The following CSMD1 variants were observed in gnomAD, a reference collection of about 807,000 sequenced individuals.
CSMD1 encodes the protein CUB and sushi domain-containing protein 1.
In CSMD1, 213 loss-of-function variants were observed where a neutral mutation model predicts 417.5. That is an observed-to-expected ratio of 0.51 (90% CI 0.46 to 0.57). The LOEUF (loss-of-function observed/expected upper bound fraction) is 0.57. Ranked by LOEUF, CSMD1 falls within the 20% of genes least tolerant of loss-of-function variation. The pLI is 0.00. For missense variants in CSMD1, 6,923 were observed against 4,529.7 expected, an observed-to-expected ratio of 1.53 and a Z score of -15.17; for synonymous variants, 2,862 against 1,736.8, an observed-to-expected ratio of 1.65 and a Z score of -16.11.
At chr8:4,955,798 CT>C (rs879650824) in intron 1 of CSMD1, among the ~76,000 whole-genome samples, 70,610 of 151,730 alleles carry the variant, frequency 0.47, 17,369 homozygotes, top group East Asian at 0.78. Flanking sequence ...GTAACAGTAC[CT>C]TCAAATTGGC....
chr8:3,308,056 GATAATTCTAATAATAT>G (rs1222975272), intron 24 of CSMD1, among the ~76,000 whole-genome samples: 9 of 30,310 alleles, frequency 3.0e-4, no homozygotes, highest in Admixed American at 1.4e-3. Context: ...ACACTCATGT[GATAATTCTAATAATAT>G]GTGATAATTC....
chr8:4,632,046 T>C (rs1447184601), intron 2 of CSMD1, among the ~76,000 whole-genome samples: 1 of 152,224 alleles, frequency 6.6e-6, no homozygotes, highest in Admixed American at 6.5e-5. Context: ...GTTTCTGATT[T>C]GGGACAAGTA....
At chr8:3,367,803 T>C (rs1219313356) in intron 19 of CSMD1, among the ~76,000 whole-genome samples, 1 of 152,210 alleles carries the variant, frequency 6.6e-6, no homozygotes, top group Non-Finnish European at 1.5e-5. Flanking sequence ...CATAGATATG[T>C]ATATTTAAGA....
intron 3 of CSMD1, among the ~76,000 whole-genome samples, chr8:4,328,577 A>T (rs1799689693): frequency 6.6e-6 from 1 of 152,134 alleles, no homozygotes; most frequent in Non-Finnish European, 1.5e-5. Flanking sequence ...ATTTAAAAAA[A>T]TGAAAAAAAA....
chr8:4,285,894 A>T (rs974206498), intron 3 of CSMD1, among the ~76,000 whole-genome samples: 3 of 152,190 alleles, frequency 2.0e-5, no homozygotes, highest in Non-Finnish European at 2.9e-5. Context: ...AAGTAATCCA[A>T]CTGAAGTATT....
rs762380961 is a variant in CSMD1, at chr8:3,997,974, G to C, written c.747C>G (p.Val249=). The C allele has an allele frequency of 3.7e-6, 6 of 1,611,376 alleles. No individual in the cohort carries two copies. The highest frequency in any genetic ancestry group is 1.1e-5 in the South Asian group (1 of 90,322). The change falls in exon 5 of 70, where the codon GTC becomes GTG. Residue 249 remains valine (V), a synonymous_variant. Coordinates refer to ENST00000635120, the MANE Select transcript of CSMD1 (RefSeq NM_033225.6). ...CTTCTTCTAGCTGAAAGTCAGTGAAGACCAGCGCAATGGTGTCCCCGGGCT... is the reference window on the plus strand; with the variant it reads ...CTTCTTCTAGCTGAAAGTCAGTGAACACCAGCGCAATGGTGTCCCCGGGCT... The part of the protein sequence containing the change: ...LAEPGDTIAL[V]FTDFQLEEGY...
chr8:3,551,698 C>G (rs930207946), intron 10 of CSMD1, among the ~76,000 whole-genome samples: 2 of 149,406 alleles, frequency 1.3e-5, no homozygotes, highest in Non-Finnish European at 3.0e-5. Flanking sequence ...AAAGACATGA[C>G]TGATGATGAG....
At chr8:4,174,922 T>C (rs1231310989) in intron 3 of CSMD1, among the ~76,000 whole-genome samples, 2 of 151,104 alleles carry the variant, frequency 1.3e-5, no homozygotes, top group Admixed American at 1.3e-4. Flanking sequence ...GCAGAACTGA[T>C]GTCAACTCCT....
intron 1 of CSMD1, among the ~76,000 whole-genome samples, chr8:4,917,802 G>C (rs1161509927): frequency 1.3e-5 from 2 of 152,152 alleles, no homozygotes; most frequent in Admixed American, 6.5e-5. Flanking sequence ...AGTGTTGCAA[G>C]ATAGGAACAG....
At position 2,935,954 on chromosome 8, in the gene CSMD1, C is replaced by T. The variant is rs573907592; in HGVS notation, c.*2631G>A. On this transcript the variant is annotated 3_prime_UTR_variant, in exon 70 of 70. Transcript: ENST00000635120. ...TGTTAGTGTGTGGTCGCGTCCCTCA[C>T]GCGTGTTCCCGTTGCCTTCAGGGAA... 30 of 152,358 alleles carry T rather than the reference C, an allele frequency of 2.0e-4. No individual in the cohort carries two copies. Among genetic ancestry groups the T allele is most frequent in the South Asian group, 1.0e-3 (5 of 4,828 alleles). The allele number at this position is 152,358 out of a possible 1,614,324, so 9.4% of individuals were successfully genotyped here. A position where few individuals can be genotyped will look rare whatever the true frequency, so the allele number is the denominator to read the frequency against.
intron 50 of CSMD1, among the ~76,000 whole-genome samples, chr8:3,045,926 G>T (rs955839521): frequency 5.9e-5 from 9 of 152,104 alleles, no homozygotes; most frequent in African/African-American, 2.2e-4. Flanking sequence ...AAGACAGTAG[G>T]GGGTATAGGG....
Position 4,295,354 on chromosome 8 carries a change from C to T in CSMD1, c.415+124599G>A, listed in dbSNP as rs116952558. ...TAATCTTAAGATTATGCACATATAA[C>T]CTTAAGATTATATATGTATCTTATT... On this transcript the variant is annotated intron_variant, in intron 3 of 69. Transcript: ENST00000635120. 3.7e-3 allele frequency among the ~76,000 whole-genome samples: 455 copies of T among 122,618 alleles called. 5 individuals carry two copies. Among genetic ancestry groups the T allele is most frequent in the Middle Eastern group, 0.013 (1 of 80 alleles). 80.4% of individuals were successfully genotyped at this position (122,618 alleles called of 152,430 possible).
intron 3 of CSMD1, among the ~76,000 whole-genome samples, chr8:4,200,957 C>A (rs543554804): frequency 6.6e-6 from 1 of 152,208 alleles, no homozygotes; most frequent in Admixed American, 6.5e-5. Context: ...AACTAAATGT[C>A]AGAAAGTTGT....
chr8:3,030,988 G>A (rs1810305863), intron 50 of CSMD1, among the ~76,000 whole-genome samples: 1 of 151,702 alleles, frequency 6.6e-6, no homozygotes, highest in African/African-American at 2.4e-5. Flanking sequence ...GTAATCCTTA[G>A]GTTTCTTTCT....
chr8:4,458,994 G>A (rs550950985), intron 2 of CSMD1, among the ~76,000 whole-genome samples: 5 of 152,152 alleles, frequency 3.3e-5, no homozygotes, highest in Admixed American at 6.5e-5. Context: ...GAGGATTCAC[G>A]TTTGTGCAGC....
At chr8:3,914,628 T>C (rs1808689980) in intron 5 of CSMD1, among the ~76,000 whole-genome samples, 2 of 152,104 alleles carry the variant, frequency 1.3e-5, no homozygotes, top group South Asian at 4.1e-4. Flanking sequence ...ATGAAACTCT[T>C]TCTGTCTCTC....
intron 1 of CSMD1, among the ~76,000 whole-genome samples, chr8:4,947,634 C>A (rs1366555213): frequency 6.6e-6 from 1 of 152,090 alleles, no homozygotes; most frequent in Non-Finnish European, 1.5e-5. Context: ...TTCCTCCCCC[C>A]AGTGACAGAT....
chr8:3,042,767 T>C (rs755658569), intron 50 of CSMD1, among the ~76,000 whole-genome samples: 3 of 152,176 alleles, frequency 2.0e-5, no homozygotes, highest in Non-Finnish European at 2.9e-5. Context: ...CTGGTGCTCA[T>C]AGACATAACC....
At position 4,267,162 on chromosome 8, in the gene CSMD1, G is replaced by C. The variant is rs1428151686; in HGVS notation, c.415+152791C>G. Reference sequence around the variant, plus strand: ...TAAATAAGTATAATTATTTGAAACAGTGAAGATAATATTCATTAATTCCAA... The same window carrying C: ...TAAATAAGTATAATTATTTGAAACACTGAAGATAATATTCATTAATTCCAA... On this transcript the variant is annotated intron_variant, in intron 3 of 69. Transcript: ENST00000635120. Among the ~76,000 whole-genome samples, 2 of 101,458 alleles carry C rather than the reference G, an allele frequency of 2.0e-5. 1 individual carries two copies. Among genetic ancestry groups the C allele is most frequent in the Admixed American group, 1.9e-4 (2 of 10,756 alleles). The allele number at this position is 101,458 out of a possible 152,430, so 66.6% of individuals were successfully genotyped here. A position where few individuals can be genotyped will look rare whatever the true frequency, so the allele number is the denominator to read the frequency against.
Sources: allele counts gnomAD v4.1 joint callset (sites outside exome capture counted in the v4.1 genomes callset), GRCh38; gene constraint gnomAD v4.1.1; transcripts MANE v1.5; gene names NCBI Gene and HGNC (gene_info 2026-07-23, HGNC 2026-07-21).